Variants in SPEF2 observed in about 807,000 individuals in gnomAD.
The protein encoded by SPEF2 is sperm flagella and cilia-associated protein 2.
In SPEF2, 187 loss-of-function variants were observed where a neutral mutation model predicts 224.6. The observed-to-expected ratio is 0.83, with a 90% CI of 0.74 to 0.94. The LOEUF (loss-of-function observed/expected upper bound fraction) is 0.94. SPEF2 is among the 40% of genes least tolerant of loss of function. The pLI is 0.00. For missense variants in SPEF2, 2,170 were observed against 2,135.6 expected, an observed-to-expected ratio of 1.02 and a Z score of -0.32; for synonymous variants, 715 against 707.3, an observed-to-expected ratio of 1.01 and a Z score of -0.17.
At chr5:35,636,598 T>G (rs1745862158) in intron 2 of SPEF2, among the ~76,000 whole-genome samples, 1 of 152,158 alleles carries the variant, frequency 6.6e-6, no homozygotes, top group Non-Finnish European at 1.5e-5. Context: ...GATAGGACTT[T>G]TTTCAGTGAG....
chr5:35,687,554 A>G (rs1013531156), intron 10 of SPEF2, among the ~76,000 whole-genome samples: 12 of 151,970 alleles, frequency 7.9e-5, no homozygotes, highest in Admixed American at 7.2e-4. Context: ...ACAGGGTTTC[A>G]CCATGTTGGT....
chr5:35,641,340 A>G (rs1746593695), intron 2 of SPEF2, 91 bp from the exon 3 acceptor site: 3 of 1,398,618 alleles, frequency 2.1e-6, no homozygotes. Flanking sequence ...AAATAATTCA[A>G]AATATTGGAT....
In SPEF2 at chr5:35,751,066, T is replaced by TACGTATATATATACGTATATATATAC. The variant is rs70973059; in HGVS notation, c.3331-2558_3331-2557insACGTATATATATACGTATATATATAC. On this transcript the variant is annotated intron_variant, in intron 23 of 36. Transcript: ENST00000356031. ...ATGTATATATATATACGTATATATA[T>TACGTATATATATACGTATATATATAC]GTATATATATATACACACACACACA... is the stretch of plus-strand genomic sequence containing the variant. Among the ~76,000 whole-genome samples the TACGTATATATATACGTATATATATAC allele has an allele frequency of 4.9e-4, 16 of 32,530 alleles. 3 individuals carry two copies. Among genetic ancestry groups the TACGTATATATATACGTATATATATAC allele is most frequent in the African/African-American group, 7.1e-4 (7 of 9,798 alleles). The allele number at this position is 32,530 out of a possible 152,430, so 21.3% of individuals were successfully genotyped here.
chr5:35,709,281 C>G, intron 19 of SPEF2, 160 bp downstream of exon 19: 1 of 1,444,682 alleles, frequency 6.9e-7, no homozygotes, highest in Non-Finnish European at 9.0e-7. Context: ...CTCGGAGTAG[C>G]TAAAAGCGTA....
chr5:35,687,598 G>T (rs1580278541), intron 10 of SPEF2, among the ~76,000 whole-genome samples: 2 of 152,092 alleles, frequency 1.3e-5, no homozygotes, highest in South Asian at 2.1e-4. Flanking sequence ...CTCGTGATCT[G>T]CCCACCTCGG....
chr5:35,636,902 G>A (rs1019389350), intron 2 of SPEF2, among the ~76,000 whole-genome samples: 1 of 151,558 alleles, frequency 6.6e-6, no homozygotes, highest in Non-Finnish European at 1.5e-5. Context: ...CTTGAACCTG[G>A]GAGATGGAGG....
At chr5:35,694,651 T>C (rs1374449702) in intron 13 of SPEF2, among the ~76,000 whole-genome samples, 1 of 149,184 alleles carries the variant, frequency 6.7e-6, no homozygotes, top group Non-Finnish European at 1.5e-5. Context: ...TCTTCCTGTC[T>C]GTGCAAGGAG....
chr5:35,709,687 T>C (rs1453963201), intron 19 of SPEF2: 3 of 985,196 alleles, frequency 3.0e-6, no homozygotes, highest in African/African-American at 1.7e-5. Context: ...GAGAACACTT[T>C]TAGTTTAAGT....
intron 16 of SPEF2, among the ~76,000 whole-genome samples, chr5:35,701,348 G>A (rs922205822): frequency 5.3e-5 from 8 of 152,122 alleles, no homozygotes; most frequent in African/African-American, 1.9e-4. Flanking sequence ...TTGACCTTGA[G>A]AAAGTTACCT....
chr5:35,807,250 T>C lies in SPEF2; in HGVS notation c.5376T>C (p.Phe1792=). The change falls in exon 36 of 37, where the codon TTT becomes TTC. Residue 1792 remains phenylalanine, a synonymous_variant. Transcript: ENST00000356031. ...DLISNYSDYK[F]PDIKIILQRS... ...TTTCAAATTATTCAGACTATAAGTT[T>C]CCTGTGAGTATTACCCCAAAGTGCT... The C allele has an allele frequency of 6.2e-7, 1 of 1,611,418 alleles. No individual in the cohort carries two copies. Among genetic ancestry groups the C allele is most frequent in the Non-Finnish European group, 8.5e-7 (1 of 1,179,412 alleles).
At chr5:35,669,581 A>G (rs1240664285) in intron 9 of SPEF2, among the ~76,000 whole-genome samples, 1 of 152,146 alleles carries the variant, frequency 6.6e-6, no homozygotes, top group East Asian at 1.9e-4. Flanking sequence ...AATAGCTAGT[A>G]AAATGTCCGG....
intron 10 of SPEF2, among the ~76,000 whole-genome samples, chr5:35,673,635 G>A (rs1361282737): frequency 1.3e-5 from 2 of 152,134 alleles, no homozygotes; most frequent in African/African-American, 4.8e-5. Context: ...CATCCATGTT[G>A]TCTTAAGTTG....
chr5:35,619,746 A>T (rs867550362), intron 1 of SPEF2, among the ~76,000 whole-genome samples: 2 of 152,186 alleles, frequency 1.3e-5, no homozygotes, highest in Non-Finnish European at 2.9e-5. Context: ...CCAGGACTCT[A>T]TTGCAACATT....
At chr5:35,748,076 C>T (rs1465145515) in intron 23 of SPEF2, among the ~76,000 whole-genome samples, 1 of 152,112 alleles carries the variant, frequency 6.6e-6, no homozygotes, top group East Asian at 1.9e-4. Flanking sequence ...TAACCTGCTC[C>T]TGAATAAGCA....
At chr5:35,799,561 C>T (rs776102219) in intron 33 of SPEF2, among the ~76,000 whole-genome samples, 1 of 152,068 alleles carries the variant, frequency 6.6e-6, no homozygotes, top group African/African-American at 2.4e-5. Context: ...TCTTTCCCTC[C>T]TTTCACTCCC....
At chr5:35,783,519 A>G (rs2149809386) in intron 30 of SPEF2, among the ~76,000 whole-genome samples, 1 of 152,318 alleles carries the variant, frequency 6.6e-6, no homozygotes, top group Non-Finnish European at 1.5e-5. Context: ...TTGATTATAT[A>G]ATTATAGTAA....
intron 30 of SPEF2, among the ~76,000 whole-genome samples, chr5:35,783,110 A>G (rs1260641189): frequency 1.3e-5 from 2 of 152,226 alleles, no homozygotes; most frequent in African/African-American, 4.8e-5. Context: ...AATCATTCCT[A>G]TGAGCGTACT....
intron 30 of SPEF2, among the ~76,000 whole-genome samples, chr5:35,782,025 T>G (rs1184371733): frequency 6.6e-6 from 1 of 152,098 alleles, no homozygotes; most frequent in East Asian, 1.9e-4. Context: ...TCACCCCTTT[T>G]CCCCATCTCT....
chr5:35,790,235 G>A (rs1482676558), intron 30 of SPEF2: 1 of 675,586 alleles, frequency 1.5e-6, no homozygotes, highest in African/African-American at 1.8e-5. Flanking sequence ...TAATTATTCA[G>A]TTGAATTCTC....
Sources: allele counts gnomAD v4.1 joint callset (sites outside exome capture counted in the v4.1 genomes callset), GRCh38; gene constraint gnomAD v4.1.1; transcripts MANE v1.5; gene names NCBI Gene and HGNC (gene_info 2026-07-23, HGNC 2026-07-21).